CCDC40: variants seen among roughly 807,000 people sequenced by gnomAD.
CCDC40 encodes the protein coiled-coil domain 40 molecular ruler complex subunit.
A neutral mutation model predicts 124.5 loss-of-function variants in CCDC40; 104 were observed. The observed-to-expected ratio is 0.84, with a 90% confidence interval of 0.71 to 0.98. The LOEUF is 0.98. Ranked by LOEUF, CCDC40 falls within the 50% of genes least tolerant of loss-of-function variation. The pLI is 0.00. For synonymous variants in CCDC40, 580 were observed against 602.9 expected, an observed-to-expected ratio of 0.96 and a Z score of 0.56; for missense variants, 1,463 against 1,503.9, an observed-to-expected ratio of 0.97 and a Z score of 0.45.
intron 7 of CCDC40, among the ~76,000 whole-genome samples, chr17:80,057,807 C>T (rs546543941): frequency 1.3e-3 from 200 of 151,146 alleles, no homozygotes; most frequent in African/African-American, 4.7e-3. Flanking sequence ...ACCCTGGGGG[C>T]GGAGCTTGCA....
At chr17:80,064,684 C>T (rs1259358643) in intron 9 of CCDC40, among the ~76,000 whole-genome samples, 1 of 151,866 alleles carries the variant, frequency 6.6e-6, no homozygotes, top group Admixed American at 6.6e-5. Context: ...CAAGCCCCTC[C>T]CCTGCATGGG....
chr17:80,084,366 C>A (rs1394729119), intron 12 of CCDC40, among the ~76,000 whole-genome samples: 2 of 152,164 alleles, frequency 1.3e-5, no homozygotes, highest in Non-Finnish European at 2.9e-5. Context: ...CATGAGAACT[C>A]ACTATCATGA....
intron 16 of CCDC40, chr17:80,088,408 T>C (rs760345817): frequency 1.2e-5 from 5 of 416,452 alleles, no homozygotes; most frequent in Non-Finnish European, 1.8e-5. Flanking sequence ...CCCGCCACCA[T>C]GCCTCACTAA....
rs2038054154 is a variant in CCDC40 at position 80,066,643 on chromosome 17, T to C, written c.1562+1037T>C. Reference sequence around the variant, plus strand: ...TGGTGTGGGCGCCTGTAATCCCCGCTACTCGGGAGGGTGAGACAGAGAACT... The same window carrying C: ...TGGTGTGGGCGCCTGTAATCCCCGCCACTCGGGAGGGTGAGACAGAGAACT... On this transcript the variant is annotated intron_variant, in intron 10 of 19. Coordinates refer to ENST00000397545, the MANE Select transcript of CCDC40 (RefSeq NM_017950.4). This position sits in a 1 kb window ranked among gnomAD's most constrained non-coding sequence, Gnocchi z 4.4. 6.2e-6 allele frequency: 1 copy of C among 161,766 alleles called. No individual in the cohort carries two copies. The highest frequency in any genetic ancestry group is 6.1e-5 in the Admixed American group (1 of 16,296). The allele number at this position is 161,766 out of a possible 1,614,324, so 10.0% of individuals were successfully genotyped here. A position where few individuals can be genotyped will look rare whatever the true frequency, so the allele number is the denominator to read the frequency against.
At position 80,075,116 on chromosome 17, in the gene CCDC40, G is replaced by T. The variant is rs945866969; in HGVS notation, c.1563-6430G>T. Among the ~76,000 whole-genome samples the T allele has an allele frequency of 3.3e-5, 5 of 151,914 alleles. No individual in the cohort carries two copies. In the East Asian group the frequency reaches 7.7e-4, roughly 23 times the overall value. On this transcript the variant is annotated intron_variant, in intron 10 of 19. Transcript: ENST00000397545. ...TTTTTATATTTTTAGTAGAGATGGGGTTTCAACCGTGTTGGCCAGGCTGGT... is the reference window on the plus strand; with the variant it reads ...TTTTTATATTTTTAGTAGAGATGGGTTTTCAACCGTGTTGGCCAGGCTGGT...
chr17:80,078,330 C>CAA lies in CCDC40; in HGVS notation c.1563-3198_1563-3197dup, dbSNP rs71163916. Among the ~76,000 whole-genome samples, 317 of 66,966 alleles carry CAA rather than the reference C, an allele frequency of 4.7e-3. 3 individuals are homozygous for CAA. Among genetic ancestry groups the CAA allele is most frequent in the African/African-American group, 0.01 (191 of 18,598 alleles). 43.9% of individuals were successfully genotyped at this position (66,966 alleles called of 152,430 possible). A position where few individuals can be genotyped will look rare whatever the true frequency, so the allele number is the denominator to read the frequency against. On this transcript the variant is annotated intron_variant, in intron 10 of 19. Coordinates refer to ENST00000397545, the MANE Select transcript of CCDC40 (RefSeq NM_017950.4). ...TGGGCAACAGAGCGAGACTCTGTCT[C>CAA]AAAAAAAAAAAAAAAAAAAGGAAAG...
rs1395404836 is a variant in CCDC40, at chr17:80,058,162, A to G, written c.1160-332A>G. ...CCTTTCAGTGGTAAGACATCTATGC[A>G]ATCAACCCGAAGCCTTACCACCTGG... On this transcript the variant is annotated intron_variant, in intron 7 of 19. Transcript: ENST00000397545. The surrounding 1 kb of genome is among the most constrained non-coding windows in gnomAD (Gnocchi z 4.2). 1.3e-5 allele frequency among the ~76,000 whole-genome samples: 2 copies of G among 152,164 alleles called. No individual in the cohort carries two copies. The highest frequency in any genetic ancestry group is 1.5e-5 in the Non-Finnish European group (1 of 68,032).
chr17:80,095,314 G>C lies in CCDC40; in HGVS notation c.2884G>C (p.Glu962Gln). The C allele has an allele frequency of 6.2e-7, 1 of 1,614,106 alleles. No homozygotes were observed. The highest frequency in any genetic ancestry group is 8.5e-7 in the Non-Finnish European group (1 of 1,180,036). ...GCAGGAGAAGATGATCCGTGCCATG[G>C]AGTTGGCGGTTGCCCGCAGAGAGAC... ...KQQEKMIRAM[E>Q]LAVARRETVT... Residue 962 changes from glutamate (E) to glutamine (Q), a missense_variant, in exon 18 of 20, where the codon GAG becomes CAG. Physicochemically the swap from Glu to Gln is conservative, Grantham distance 29 (BLOSUM62 2). Transcript: ENST00000397545.
rs568040026 is a variant in CCDC40 at position 80,073,563 on chromosome 17, G to A, written c.1562+7957G>A. On this transcript the variant is annotated intron_variant, in intron 10 of 19. Coordinates refer to ENST00000397545, the MANE Select transcript of CCDC40 (RefSeq NM_017950.4). The stretch of plus-strand genomic sequence containing the variant: ...CATGTCGTGTGTGTACTGACTGCTC[G>A]CCGGCTGGCGTTCTTCCATTTCTGT... 2.4e-4 allele frequency among the ~76,000 whole-genome samples: 36 copies of A among 152,258 alleles called. No homozygotes were observed. In the South Asian group the frequency reaches 5.6e-3, roughly 24 times the overall value.
At chr17:80,067,707 T>C in intron 10 of CCDC40, 1 of 1,527,074 alleles carries the variant, frequency 6.5e-7, no homozygotes, top group South Asian at 1.2e-5. Flanking sequence ...CTATATAGCC[T>C]TTTTTATATT....
chr17:80,052,008 C>G lies in CCDC40; in HGVS notation c.1159+1725C>G, dbSNP rs955892043. 4.6e-4 allele frequency among the ~76,000 whole-genome samples: 70 copies of G among 152,382 alleles called. 1 individual carries two copies. The highest frequency in any genetic ancestry group is 1.7e-3 in the African/African-American group (69 of 41,602). ...CGTCAAACAGCACCGTCTCTGCCTT[C>G]TCAGAACTGAAGAATTTGGGCAACG... On this transcript the variant is annotated intron_variant, in intron 7 of 19. Transcript: ENST00000397545.
intron 5 of CCDC40, among the ~76,000 whole-genome samples, chr17:80,049,551 G>A (rs2037525151): frequency 6.6e-6 from 1 of 152,144 alleles, no homozygotes; most frequent in African/African-American, 2.4e-5. Flanking sequence ...GGCAGATGTT[G>A]ATTTCATTTA....
At position 80,086,612 on chromosome 17, in the gene CCDC40, C is replaced by T. The variant is rs749935012; in HGVS notation, c.2449+396C>T. ...ATCACCTCCAGTTGGGCTTAGAAAA[C>T]CATTCCACCGGGGCTCCCCAACCCT... is the stretch of plus-strand genomic sequence containing the variant. On this transcript the variant is annotated intron_variant, in intron 14 of 19. Transcript: ENST00000397545. The surrounding 1 kb of genome is among the most constrained non-coding windows in gnomAD (Gnocchi z 5.5). The T allele has an allele frequency of 3.5e-4, 97 of 277,720 alleles. No homozygotes were observed. The Middle Eastern group carries it at 5.4e-3, about 15-fold the overall frequency. The allele number at this position is 277,720 out of a possible 1,614,324, so 17.2% of individuals were successfully genotyped here.
chr17:80,095,536 C>T (rs554877559), intron 18 of CCDC40, 85 bp downstream of exon 18: 44 of 1,347,578 alleles, frequency 3.3e-5, no homozygotes, highest in Non-Finnish European at 4.3e-5. Flanking sequence ...TTGCTGGGTC[C>T]GGGGTGAGGA....
chr17:80,048,455 C>A, intron 4 of CCDC40, 128 bp from the exon 5 acceptor site: 1 of 774,628 alleles, frequency 1.3e-6, no homozygotes, highest in Non-Finnish European at 2.2e-6. Flanking sequence ...CGTTGGGATG[C>A]TTTTGCTGTC....
intron 17 of CCDC40, among the ~76,000 whole-genome samples, chr17:80,094,131 G>T (rs1263802213): frequency 6.6e-6 from 1 of 152,036 alleles, no homozygotes; most frequent in African/African-American, 2.4e-5. Flanking sequence ...CAGAGTTTGG[G>T]CTGGGTGCGG....
intron 9 of CCDC40, among the ~76,000 whole-genome samples, chr17:80,064,243 C>T (rs867866898): frequency 1.3e-5 from 2 of 152,224 alleles, no homozygotes; most frequent in African/African-American, 2.4e-5. Flanking sequence ...TCGGCTCCCC[C>T]GTGATGTTCT....
intron 9 of CCDC40, among the ~76,000 whole-genome samples, chr17:80,060,500 A>G (rs1013406719): frequency 1.3e-5 from 2 of 152,132 alleles, no homozygotes; most frequent in South Asian, 2.1e-4. Flanking sequence ...GTCAAAAAAA[A>G]AAAAAGAACA....
chr17:80,050,072 T>C lies in CCDC40; in HGVS notation c.948T>C (p.Ala316=). ...TTCTCTCTTTGGTCCAGGTTGTGGC[T>C]ACCAAGCAGAGCCGAGCCCAGCGGC... ...LKLDLQELVV[A]TKQSRAQRQE... The change falls in exon 7 of 20, where the codon GCT becomes GCC. Residue 316 remains alanine, a synonymous_variant. Coordinates refer to ENST00000397545, the MANE Select transcript of CCDC40 (RefSeq NM_017950.4). 1 of 1,613,766 alleles carries C rather than the reference T, an allele frequency of 6.2e-7. No individual in the cohort carries two copies.
Sources: gnomAD v4.1 joint callset for allele counts (sites outside exome capture counted in the v4.1 genomes callset) on GRCh38, gnomAD v4.1.1 for gene constraint, Gnocchi (gnomAD v3.1) non-coding constraint, MANE v1.5 for transcripts, NCBI Gene and HGNC (gene_info 2026-07-23, HGNC 2026-07-21) for gene names.